The following KCNQ1OT1 variants were observed in gnomAD, a reference collection of about 807,000 sequenced individuals.
KCNQ1OT1 encodes KCNQ1 antisense RNA 2 (non-protein coding).
exon 1 of KCNQ1OT1, chr11:2,665,267 A>G (rs181904656): frequency 2.1e-4 from 85 of 398,544 alleles, no homozygotes; most frequent in Non-Finnish European, 3.7e-4. Context: ...AAACTCCCTG[A>G]GCCTGTGTCT....
exon 1 of KCNQ1OT1, chr11:2,625,912 T>A (rs904351811): frequency 2.5e-6 from 1 of 398,474 alleles, no homozygotes; most frequent in Non-Finnish European, 4.4e-6. Context: ...GTGATGACTT[T>A]TAGAAGTTCT....
In KCNQ1OT1 at chr11:2,663,631, G is replaced by A. The variant is rs112744015; in HGVS notation, n.36364C>T. On this transcript the variant is annotated non_coding_transcript_exon_variant, in exon 1 of 1. Coordinates refer to ENST00000597346, the Ensembl canonical transcript of KCNQ1OT1. The surrounding 1 kb of genome is among the most constrained non-coding windows in gnomAD (Gnocchi z 5.2). ...TGGTCACGGACCAGCATCCAGACAT[G>A]CAAAAAGTCCTACTGGGAGGAGAGG... 2,034 of 398,688 alleles carry A rather than the reference G, an allele frequency of 5.1e-3. 30 individuals are homozygous for A. Among genetic ancestry groups the A allele is most frequent in the African/African-American group, 0.036 (1,737 of 48,730 alleles). The allele number at this position is 398,688 out of a possible 1,614,324, so 24.7% of individuals were successfully genotyped here. A position where few individuals can be genotyped will look rare whatever the true frequency, so the allele number is the denominator to read the frequency against.
rs1307183612 is a variant in KCNQ1OT1, at chr11:2,611,196, A to C, written n.88799T>G. ...TCTCTAATAACATGGTTTGTTTTTA[A>C]AGTCTATTTTGTCTGATTTTATTTA... On this transcript the variant is annotated non_coding_transcript_exon_variant, in exon 1 of 1. Transcript: ENST00000597346. The surrounding 1 kb of genome is among the most constrained non-coding windows in gnomAD (Gnocchi z 5.3). 2.5e-6 allele frequency: 1 copy of C among 398,098 alleles called. No individual in the cohort carries two copies. The highest frequency in any genetic ancestry group is 4.4e-6 in the Non-Finnish European group (1 of 225,962). The allele number at this position is 398,098 out of a possible 1,614,324, so 24.7% of individuals were successfully genotyped here. A position where few individuals can be genotyped will look rare whatever the true frequency, so the allele number is the denominator to read the frequency against.
exon 1 of KCNQ1OT1, chr11:2,610,304 T>C (rs1402441105): frequency 5.0e-6 from 2 of 398,000 alleles, no homozygotes; most frequent in Non-Finnish European, 8.9e-6. Flanking sequence ...CTTTTTGTGG[T>C]ATTGTTACAT....
chr11:2,633,480 C>A, exon 1 of KCNQ1OT1: 1 of 398,494 alleles, frequency 2.5e-6, no homozygotes, highest in South Asian at 1.3e-4. Context: ...CTTCTGTTTT[C>A]TTCTAGTACT....
Position 2,653,102 on chromosome 11 carries a change from A to T in KCNQ1OT1, n.46893T>A. ...TACAGCAGGGTGTGGAGAGAGGCTCACTGAAGGTTTGGGGAGATGAGGACT... is the reference window on the plus strand; with the variant it reads ...TACAGCAGGGTGTGGAGAGAGGCTCTCTGAAGGTTTGGGGAGATGAGGACT... On this transcript the variant is annotated non_coding_transcript_exon_variant, in exon 1 of 1. Transcript: ENST00000597346. The surrounding 1 kb of genome is among the most constrained non-coding windows in gnomAD (Gnocchi z 5.3). 2.5e-6 allele frequency: 1 copy of T among 398,752 alleles called. No homozygotes were observed. The highest frequency in any genetic ancestry group is 3.6e-5 in the East Asian group (1 of 28,074). 24.7% of individuals were successfully genotyped at this position (398,752 alleles called of 1,614,324 possible).
exon 1 of KCNQ1OT1, chr11:2,662,367 T>C (rs1849975586): frequency 1.8e-6 from 1 of 550,816 alleles, no homozygotes; most frequent in East Asian, 2.9e-5. Flanking sequence ...AGATTGTTTT[T>C]CTCTCCCCCA....
chr11:2,652,680 T>G lies in KCNQ1OT1; in HGVS notation n.47315A>C, dbSNP rs1470981697. Reference sequence around the variant, plus strand: ...GACCCGGGTGGGTCGATTTTAGTTGTGTGGGTGGCTGTGTTGCTCTCTTTC... The same window carrying G: ...GACCCGGGTGGGTCGATTTTAGTTGGGTGGGTGGCTGTGTTGCTCTCTTTC... On this transcript the variant is annotated non_coding_transcript_exon_variant, in exon 1 of 1. Transcript: ENST00000597346. The surrounding 1 kb of genome is among the most constrained non-coding windows in gnomAD (Gnocchi z 5.9). 5.3e-5 allele frequency: 21 copies of G among 398,756 alleles called. No homozygotes were observed. In the East Asian group the frequency reaches 7.5e-4, roughly 14 times the overall value. 24.7% of individuals were successfully genotyped at this position (398,756 alleles called of 1,614,324 possible).
chr11:2,663,539 A>C lies in KCNQ1OT1; in HGVS notation n.36456T>G. The C allele has an allele frequency of 2.5e-6, 1 of 398,360 alleles. No homozygotes were observed. Among genetic ancestry groups the C allele is most frequent in the East Asian group, 3.6e-5 (1 of 28,050 alleles). The allele number at this position is 398,360 out of a possible 1,614,324, so 24.7% of individuals were successfully genotyped here. A position where few individuals can be genotyped will look rare whatever the true frequency, so the allele number is the denominator to read the frequency against. The stretch of plus-strand genomic sequence containing the variant: ...TCTTGGCTGTCCCCTCAGAGAGGGG[A>C]CTGTCCCTTCTCATCCTTCTGGCTG... On this transcript the variant is annotated non_coding_transcript_exon_variant, in exon 1 of 1. Coordinates refer to ENST00000597346, the Ensembl canonical transcript of KCNQ1OT1. The surrounding 1 kb of genome is among the most constrained non-coding windows in gnomAD (Gnocchi z 5.2).
At chr11:2,665,297 C>T (rs911999918) in exon 1 of KCNQ1OT1, 2 of 398,322 alleles carry the variant, frequency 5.0e-6, no homozygotes, top group African/African-American at 4.1e-5. Flanking sequence ...AACCATATGA[C>T]AGGGCTTCTG....
chr11:2,643,607 CAGTCTGTCTTTTA>C, exon 1 of KCNQ1OT1: 1 of 398,436 alleles, frequency 2.5e-6, no homozygotes, highest in Admixed American at 4.4e-5. Flanking sequence ...TCCATTCAGC[CAGTCTGTCTTTTA>C]AGTAGAAAGT....
At position 2,611,164 on chromosome 11, in the gene KCNQ1OT1, C is replaced by G; in HGVS notation, n.88831G>C. 7.5e-6 allele frequency: 3 copies of G among 398,416 alleles called. No individual in the cohort carries two copies. The highest frequency in any genetic ancestry group is 4.4e-6 in the Non-Finnish European group (1 of 226,024). 24.7% of individuals were successfully genotyped at this position (398,416 alleles called of 1,614,324 possible). ...TCCCTTTTGTCATTGTAAAATGCTT[C>G]TCAGTATCTCTAATAACATGGTTTG... On this transcript the variant is annotated non_coding_transcript_exon_variant, in exon 1 of 1. Transcript: ENST00000597346. This position sits in a 1 kb window ranked among gnomAD's most constrained non-coding sequence, Gnocchi z 5.3.
rs1850644744 is a variant in KCNQ1OT1, at chr11:2,694,673, A to G, written n.5322T>C. On this transcript the variant is annotated non_coding_transcript_exon_variant, in exon 1 of 1. Transcript: ENST00000597346. ...CACACCCACCATGTGCGGACCCTAT[A>G]CGGAAGACAGATATGCTCTCTTGGG... The G allele has an allele frequency of 1.8e-5, 7 of 398,590 alleles. No individual in the cohort carries two copies. In the East Asian group the frequency reaches 2.5e-4, roughly 14 times the overall value. The allele number at this position is 398,590 out of a possible 1,614,324, so 24.7% of individuals were successfully genotyped here.
chr11:2,674,464 T>G lies in KCNQ1OT1; in HGVS notation n.25531A>C. ...GGGGGAGGCACGTGGGGAGGAGGGC[T>G]GCCTGTCGAGATGTGTAAGATGGCC... On this transcript the variant is annotated non_coding_transcript_exon_variant, in exon 1 of 1. Transcript: ENST00000597346. The surrounding 1 kb of genome is among the most constrained non-coding windows in gnomAD (Gnocchi z 5.9). 2.5e-6 allele frequency: 1 copy of G among 398,674 alleles called. No individual in the cohort carries two copies. The highest frequency in any genetic ancestry group is 3.6e-5 in the East Asian group (1 of 28,046). 24.7% of individuals were successfully genotyped at this position (398,674 alleles called of 1,614,324 possible). A position where few individuals can be genotyped will look rare whatever the true frequency, so the allele number is the denominator to read the frequency against.
exon 1 of KCNQ1OT1, chr11:2,636,917 G>T (rs538542338): frequency 3.9e-5 from 6 of 152,182 alleles, no homozygotes; most frequent in African/African-American, 1.4e-4. Flanking sequence ...GTCTTGGAAG[G>T]GTGTATGTCT....
At chr11:2,649,553 C>G (rs559117888) in exon 1 of KCNQ1OT1, 1 of 398,530 alleles carries the variant, frequency 2.5e-6, no homozygotes, top group South Asian at 1.3e-4. Flanking sequence ...TGAAGGATAG[C>G]TTTGCTGGGT....
chr11:2,645,008 C>T lies in KCNQ1OT1; in HGVS notation n.54987G>A. On this transcript the variant is annotated non_coding_transcript_exon_variant, in exon 1 of 1. Transcript: ENST00000597346. This position sits in a 1 kb window ranked among gnomAD's most constrained non-coding sequence, Gnocchi z 5.8. The stretch of plus-strand genomic sequence containing the variant: ...ATGCTGGTACCAGTGTTAGCAAGTC[C>T]AGGGAAACCAATTTTGGGCCTCCAG... The T allele has an allele frequency of 2.5e-6, 1 of 398,710 alleles. No individual in the cohort carries two copies. Among genetic ancestry groups the T allele is most frequent in the East Asian group, 3.6e-5 (1 of 28,084 alleles). The allele number at this position is 398,710 out of a possible 1,614,324, so 24.7% of individuals were successfully genotyped here.
At chr11:2,632,588 T>C in exon 1 of KCNQ1OT1, 1 of 398,402 alleles carries the variant, frequency 2.5e-6, no homozygotes, top group Non-Finnish European at 4.4e-6. Flanking sequence ...GATATTGTGA[T>C]ACATGTATAT....
At chr11:2,632,275 T>C (rs1038309116) in exon 1 of KCNQ1OT1, 1 of 398,384 alleles carries the variant, frequency 2.5e-6, no homozygotes, top group Non-Finnish European at 4.4e-6. Context: ...TCAGTTTTTG[T>C]GGTGAGTTTT....
Sources: gnomAD v4.1 joint callset for allele counts on GRCh38, gnomAD v4.1.1 for gene constraint, Gnocchi (gnomAD v3.1) non-coding constraint, MANE v1.5 for transcripts, NCBI Gene and HGNC (gene_info 2026-07-23, HGNC 2026-07-21) for gene names.